THSD7B: variants seen among roughly 807,000 people sequenced by gnomAD.
The protein encoded by THSD7B is thrombospondin type 1 domain containing 7B.
THSD7B carries 138 observed loss-of-function variants against 213.6 expected under a neutral mutation model. That is an observed-to-expected ratio of 0.65 (90% CI 0.56 to 0.74). The LOEUF (loss-of-function observed/expected upper bound fraction) is 0.74. THSD7B is among the 30% of genes least tolerant of loss of function. The pLI is 0.00. For synonymous variants in THSD7B, 742 were observed against 687.0 expected (o/e 1.08, Z -1.25); for missense variants, 1,931 against 1,991.5 (o/e 0.97, Z 0.58).
chr2:136,892,624 T>A (rs1683882777), intron 2 of THSD7B, among the ~76,000 whole-genome samples: 1 of 152,006 alleles, frequency 6.6e-6, no homozygotes, highest in Non-Finnish European at 1.5e-5. Flanking sequence ...CCACGTTGTC[T>A]ACTCTTCTCA....
chr2:137,199,461 A>G (rs1056281126), intron 7 of THSD7B, among the ~76,000 whole-genome samples: 2 of 152,184 alleles, frequency 1.3e-5, no homozygotes, highest in Admixed American at 1.3e-4. Flanking sequence ...AAAGTATTTC[A>G]TATGTGCATA....
intron 12 of THSD7B, among the ~76,000 whole-genome samples, chr2:137,284,716 G>C (rs1236242923): frequency 6.6e-6 from 1 of 152,124 alleles, no homozygotes; most frequent in East Asian, 1.9e-4. Context: ...TGTTTTGAGT[G>C]AGTTTCTTAA....
rs146939980 is a variant in THSD7B, at chr2:137,201,377, G to A, written c.1724-29667G>A. 4.5e-3 allele frequency among the ~76,000 whole-genome samples: 679 copies of A among 152,260 alleles called. 11 individuals carry two copies. The highest frequency in any genetic ancestry group is 0.016 in the African/African-American group (652 of 41,558). ...CTTGCTTATTGTGAATGATGCTGCA[G>A]TGAACATGTAGTGCACATATCTCTT... On this transcript the variant is annotated intron_variant, in intron 7 of 27. Coordinates refer to ENST00000409968, the MANE Select transcript of THSD7B (RefSeq NM_001316349.2).
chr2:137,590,791 A>ATTTTTTTTTTT (rs1573730097), intron 17 of THSD7B, among the ~76,000 whole-genome samples: 1 of 96,938 alleles, frequency 1.0e-5, no homozygotes, highest in African/African-American at 3.9e-5. Context: ...GCTTTGAAAT[A>ATTTTTTTTTTT]GTTTTTTTTT....
At chr2:136,892,966 TTC>T (rs1444287880) in intron 2 of THSD7B, among the ~76,000 whole-genome samples, 3 of 152,198 alleles carry the variant, frequency 2.0e-5, no homozygotes, top group African/African-American at 7.2e-5. Flanking sequence ...TTCTCGACCT[TTC>T]TCTCTTTTTG....
At position 137,095,110 on chromosome 2, in the gene THSD7B, G is replaced by A; in HGVS notation, c.1188G>A (p.Gln396=). The change falls in exon 4 of 28, where the codon CAG becomes CAA. Residue 396 remains glutamine (Q), a synonymous_variant. Transcript: ENST00000409968. The part of the protein sequence containing the change: ...EACIVEGELL[Q]QCPRYSWRTS... ...GCATTGTTGAAGGAGAACTTCTGCA[G>A]CAATGTCCCAGGTATTACGCCTTTA... The A allele has an allele frequency of 6.2e-7, 1 of 1,613,838 alleles. No individual in the cohort carries two copies. Among genetic ancestry groups the A allele is most frequent in the Non-Finnish European group, 8.5e-7 (1 of 1,179,812 alleles).
chr2:137,064,792 C>A (rs1031691316), intron 3 of THSD7B, among the ~76,000 whole-genome samples: 4 of 151,788 alleles, frequency 2.6e-5, no homozygotes, highest in African/African-American at 9.7e-5. Context: ...TTCTTGATAC[C>A]TTTGTCAAAA....
chr2:137,258,577 A>C (rs191732293), intron 10 of THSD7B, among the ~76,000 whole-genome samples: 3 of 151,954 alleles, frequency 2.0e-5, no homozygotes, highest in Admixed American at 2.0e-4. Flanking sequence ...TTAAAATTGC[A>C]AAACCTTCTC....
At chr2:137,484,863 GGGTT>G (rs1327302555) in intron 15 of THSD7B, among the ~76,000 whole-genome samples, 1 of 57,524 alleles carries the variant, frequency 1.7e-5, no homozygotes, top group Non-Finnish European at 4.9e-5. Flanking sequence ...CTTTTTGATG[GGGTT>G]GTTTGTTTTT....
chr2:136,877,225 T>A (rs1475596737), intron 1 of THSD7B, among the ~76,000 whole-genome samples: 1 of 152,190 alleles, frequency 6.6e-6, no homozygotes, highest in East Asian at 1.9e-4. Flanking sequence ...CACACAAAAA[T>A]ACCATGTAAG....
At chr2:137,650,923 C>T (rs1470362778) in intron 21 of THSD7B, among the ~76,000 whole-genome samples, 3 of 152,142 alleles carry the variant, frequency 2.0e-5, no homozygotes, top group African/African-American at 7.2e-5. Context: ...TGAAATGAAT[C>T]CCACCTGATC....
intron 1 of THSD7B, among the ~76,000 whole-genome samples, chr2:136,834,617 T>C (rs2104950258): frequency 6.6e-6 from 1 of 152,256 alleles, no homozygotes; most frequent in South Asian, 2.1e-4. Flanking sequence ...GGTATAGTGT[T>C]AGTATCTGTG....
At chr2:136,785,576 T>A (rs1681829463) in intron 1 of THSD7B, among the ~76,000 whole-genome samples, 1 of 152,198 alleles carries the variant, frequency 6.6e-6, no homozygotes, top group African/African-American at 2.4e-5. Flanking sequence ...ATTAAACATG[T>A]CTGCTCTGTT....
chr2:137,554,615 A>G (rs7604024), intron 15 of THSD7B, among the ~76,000 whole-genome samples: 88,548 of 151,988 alleles, frequency 0.58, 27,012 homozygotes, highest in African/African-American at 0.77. Context: ...ACAGCTCCCA[A>G]TGTGAGTGAT....
intron 12 of THSD7B, among the ~76,000 whole-genome samples, chr2:137,369,323 G>T (rs1233440127): frequency 6.6e-6 from 1 of 152,110 alleles, no homozygotes; most frequent in African/African-American, 2.4e-5. Flanking sequence ...ATTGCTGTCA[G>T]CAGTCTTTCA....
intron 3 of THSD7B, among the ~76,000 whole-genome samples, chr2:137,066,189 C>CT (rs70975797): frequency 0.034 from 3,931 of 115,722 alleles, 239 homozygotes; most frequent in African/African-American, 0.095. Flanking sequence ...TGAGTTTTCA[C>CT]TTTTTTTTTT....
At chr2:137,514,635 A>C in intron 15 of THSD7B, among the ~76,000 whole-genome samples, 1 of 152,176 alleles carries the variant, frequency 6.6e-6, no homozygotes, top group East Asian at 1.9e-4. Context: ...TTAAAGACAA[A>C]GTTCTTTTGT....
At chr2:137,644,573 C>A (rs1035037827) in intron 21 of THSD7B, among the ~76,000 whole-genome samples, 6 of 152,184 alleles carry the variant, frequency 3.9e-5, no homozygotes, top group African/African-American at 1.4e-4. Context: ...ACTTTTCCTG[C>A]AGCCTGATTG....
At chr2:136,803,347 G>A (rs1000658766) in intron 1 of THSD7B, among the ~76,000 whole-genome samples, 3 of 152,104 alleles carry the variant, frequency 2.0e-5, no homozygotes, top group African/African-American at 7.2e-5. Flanking sequence ...TGGCAGTCAA[G>A]TCCAGGAAGC....
Sources: gnomAD v4.1 joint callset for allele counts (sites outside exome capture counted in the v4.1 genomes callset) on GRCh38, gnomAD v4.1.1 for gene constraint, MANE v1.5 for transcripts, NCBI Gene and HGNC (gene_info 2026-07-23, HGNC 2026-07-21) for gene names.